MAN2A1: variants seen among roughly 807,000 people sequenced by gnomAD.
The protein encoded by MAN2A1 is alpha-mannosidase 2.
In MAN2A1, 76 loss-of-function variants were observed where a neutral mutation model predicts 142.6. That is an observed-to-expected ratio of 0.53 (90% confidence interval 0.44 to 0.65). The LOEUF (loss-of-function observed/expected upper bound fraction) is 0.65, where lower values mean the gene tolerates loss of function less well. Ranked by LOEUF, MAN2A1 falls within the 30% of genes least tolerant of loss-of-function variation. MAN2A1 has a pLI of 0.00. For synonymous variants in MAN2A1, 559 were observed against 473.2 expected, an observed-to-expected ratio of 1.18 and a Z score of -2.35; for missense variants, 1,311 against 1,365.1, an observed-to-expected ratio of 0.96 and a Z score of 0.62.
At position 109,796,345 on chromosome 5, in the gene MAN2A1, A is replaced by T. The variant is rs571394313; in HGVS notation, c.1943+6818A>T. ...CAATTACTGGTTCCATAGTCAAAGGATTTGCATATTTTGAATATGATACAT... is the reference window on the plus strand; with the variant it reads ...CAATTACTGGTTCCATAGTCAAAGGTTTTGCATATTTTGAATATGATACAT... On this transcript the variant is annotated intron_variant, in intron 12 of 21. Coordinates refer to ENST00000261483, the MANE Select transcript of MAN2A1 (RefSeq NM_002372.4). 9.8e-5 allele frequency among the ~76,000 whole-genome samples: 15 copies of T among 152,320 alleles called. 1 individual carries two copies. Among genetic ancestry groups the T allele is most frequent in the African/African-American group, 3.4e-4 (14 of 41,570 alleles).
chr5:109,744,952 C>T (rs1752359793), intron 4 of MAN2A1, among the ~76,000 whole-genome samples: 2 of 152,094 alleles, frequency 1.3e-5, no homozygotes, highest in East Asian at 1.9e-4. Context: ...CTGAAATACA[C>T]AGTAATATGG....
chr5:109,729,660 G>T (rs975322616), intron 4 of MAN2A1, 147 bp downstream of exon 4: 1 of 483,624 alleles, frequency 2.1e-6, no homozygotes, highest in Non-Finnish European at 3.5e-6. Context: ...GTTGATTTTG[G>T]TTCATCTCTG....
At chr5:109,779,826 G>A (rs945411385) in intron 8 of MAN2A1, among the ~76,000 whole-genome samples, 3 of 152,016 alleles carry the variant, frequency 2.0e-5, no homozygotes, top group Admixed American at 2.0e-4. Context: ...AGATACATTG[G>A]CTACACCAAA....
At chr5:109,861,375 C>T (rs1180696558) in intron 20 of MAN2A1, among the ~76,000 whole-genome samples, 1 of 152,176 alleles carries the variant, frequency 6.6e-6, no homozygotes, top group Non-Finnish European at 1.5e-5. Context: ...ATCTTGATGT[C>T]ACTTTGACTT....
At chr5:109,823,635 T>C in intron 15 of MAN2A1, 88 bp from the exon 16 acceptor site, 1 of 704,388 alleles carries the variant, frequency 1.4e-6, no homozygotes. Flanking sequence ...GTGATACGTA[T>C]TTTCTATTTT....
In MAN2A1 at chr5:109,732,003, C is replaced by T. The variant is rs973406697; in HGVS notation, c.707+2490C>T. 6.5e-3 allele frequency among the ~76,000 whole-genome samples: 994 copies of T among 152,142 alleles called. 16 individuals carry two copies. Among genetic ancestry groups the T allele is most frequent in the African/African-American group, 0.022 (929 of 41,482 alleles). ...ATAGTGTAAAAGTGTTCCCATTTCTCCACATCCTCTCCAGCACCTGTTGTT... is the reference window on the plus strand; with the variant it reads ...ATAGTGTAAAAGTGTTCCCATTTCTTCACATCCTCTCCAGCACCTGTTGTT... On this transcript the variant is annotated intron_variant, in intron 4 of 21. Coordinates refer to ENST00000261483, the MANE Select transcript of MAN2A1 (RefSeq NM_002372.4).
chr5:109,854,272 G>T (rs951523605), intron 19 of MAN2A1: 2 of 152,130 alleles, frequency 1.3e-5, no homozygotes, highest in African/African-American at 4.8e-5. Flanking sequence ...CTTAGGTTAA[G>T]ATTCTACTCA....
In MAN2A1 at chr5:109,755,344, T is replaced by G; in HGVS notation, c.723T>G (p.Gly241=). 1 of 1,612,214 alleles carries G rather than the reference T, an allele frequency of 6.2e-7. No individual in the cohort carries two copies. The highest frequency in any genetic ancestry group is 8.5e-7 in the Non-Finnish European group (1 of 1,178,436). Residue 241 remains glycine (G), a synonymous_variant, in exon 5 of 22, where the codon GGT becomes GGG. Transcript: ENST00000261483. ...KDAVKSLIEN[G]QLEIVTGGWV... ...TTCTCTCTAGTTTAATAGAAAATGG[T>G]CAGCTTGAAATTGTGACAGGTGGCT...
intron 20 of MAN2A1, chr5:109,863,849 C>G (rs565508625): frequency 1.3e-5 from 2 of 152,246 alleles, no homozygotes; most frequent in African/African-American, 4.8e-5. Context: ...ATCATGTGGT[C>G]TTGTGATGAC....
chr5:109,820,418 T>A (rs1003349067), intron 15 of MAN2A1, 76 bp downstream of exon 15: 19 of 1,376,202 alleles, frequency 1.4e-5, no homozygotes, highest in Non-Finnish European at 1.7e-5. Flanking sequence ...TAAGTGAGTG[T>A]CATTATTTTA....
chr5:109,828,215 A>G (rs1754809328), intron 16 of MAN2A1, among the ~76,000 whole-genome samples: 2 of 152,162 alleles, frequency 1.3e-5, no homozygotes, highest in Admixed American at 1.3e-4. Context: ...ATGAAATGCA[A>G]TTTATTTCAT....
intron 16 of MAN2A1, among the ~76,000 whole-genome samples, chr5:109,834,636 A>C (rs1456472516): frequency 6.6e-6 from 1 of 152,182 alleles, no homozygotes; most frequent in African/African-American, 2.4e-5. Flanking sequence ...AAGTAGGTAC[A>C]CTAGTGCCTA....
intron 4 of MAN2A1, among the ~76,000 whole-genome samples, chr5:109,732,303 T>G (rs529626380): frequency 0.018 from 2,726 of 151,834 alleles, 45 homozygotes; most frequent in South Asian, 0.071. Flanking sequence ...TTTCTCCCAT[T>G]TTGTAGGTTG....
At chr5:109,726,661 C>A (rs993539983) in intron 3 of MAN2A1, among the ~76,000 whole-genome samples, 2 of 151,990 alleles carry the variant, frequency 1.3e-5, no homozygotes, top group African/African-American at 4.8e-5. Flanking sequence ...TTTGAAATGG[C>A]CTTAGTTCAT....
intron 16 of MAN2A1, among the ~76,000 whole-genome samples, chr5:109,841,832 G>C (rs957215199): frequency 6.6e-6 from 1 of 152,162 alleles, no homozygotes. Flanking sequence ...CATCTCATTA[G>C]ATCTCCTGTC....
At chr5:109,800,515 G>A (rs1753993097) in intron 12 of MAN2A1, among the ~76,000 whole-genome samples, 1 of 151,938 alleles carries the variant, frequency 6.6e-6, no homozygotes, top group African/African-American at 2.4e-5. Context: ...GAGAACTCTG[G>A]AAAAGGACGT....
chr5:109,760,561 C>T (rs975955010), intron 5 of MAN2A1, among the ~76,000 whole-genome samples: 5 of 152,080 alleles, frequency 3.3e-5, no homozygotes, highest in Non-Finnish European at 5.9e-5. Context: ...ATCACCACAC[C>T]GTCTTCCACA....
intron 20 of MAN2A1, chr5:109,864,765 C>G (rs1469154713): frequency 7.3e-5 from 28 of 384,528 alleles, no homozygotes; most frequent in Non-Finnish European, 4.2e-5. Context: ...ATAAGGAAAC[C>G]TAAGTCCTCG....
chr5:109,830,804 C>G (rs1029141524), intron 16 of MAN2A1, among the ~76,000 whole-genome samples: 5 of 152,136 alleles, frequency 3.3e-5, no homozygotes, highest in Non-Finnish European at 5.9e-5. Context: ...AAATAAGTAG[C>G]TATGTGACGA....
Sources: gnomAD v4.1 joint callset for allele counts (sites outside exome capture counted in the v4.1 genomes callset) on GRCh38, gnomAD v4.1.1 for gene constraint, MANE v1.5 for transcripts, NCBI Gene and HGNC (gene_info 2026-07-23, HGNC 2026-07-21) for gene names.